The following OTOF variants were observed in gnomAD, a reference collection of about 807,000 sequenced individuals.
The protein encoded by OTOF is fer-1-like family member 2.
Under a neutral mutation model 236.8 loss-of-function variants are expected in OTOF, and 218 were observed. The ratio of observed to expected loss-of-function variants is 0.92; its 90% CI spans 0.82 to 1.03. The LOEUF is 1.03. Ranked by LOEUF, OTOF falls within the 50% of genes least tolerant of loss-of-function variation. OTOF has a pLI of 0.00. For synonymous variants in OTOF, 1,041 were observed against 1,072.5 expected, an observed-to-expected ratio of 0.97 and a Z score of 0.57; for missense variants, 2,590 against 2,694.4, an observed-to-expected ratio of 0.96 and a Z score of 0.86.
intron 2 of OTOF, among the ~76,000 whole-genome samples, chr2:26,534,523 C>T (rs1349510366): frequency 6.6e-6 from 1 of 152,204 alleles, no homozygotes; most frequent in Non-Finnish European, 1.5e-5. Context: ...TCCTCCTCCC[C>T]ACTCAGGTTC....
At chr2:26,522,411 C>T (rs1279260514) in intron 3 of OTOF, among the ~76,000 whole-genome samples, 1 of 152,142 alleles carries the variant, frequency 6.6e-6, no homozygotes, top group South Asian at 2.1e-4. Flanking sequence ...TCCCTCAGCC[C>T]GTCTTCTATA....
At position 26,516,577 on chromosome 2, in the gene OTOF, C is replaced by A; in HGVS notation, c.350G>T (p.Arg117Leu). 6.2e-7 allele frequency: 1 copy of A among 1,608,008 alleles called. No homozygotes were observed. Residue 117 changes from arginine to leucine, a missense_variant, in exon 5 of 47, where the codon CGG becomes CTG. Arg to Leu is a moderately radical substitution (Grantham distance 102, BLOSUM62 -2). Coordinates refer to ENST00000272371, the MANE Select transcript of OTOF (RefSeq NM_194248.3). ...CACTGTGCCGTCAGTGGCCTGATAC[C>A]GGACCTCCACGCACAGGCTGGTCTG... The part of the protein sequence containing the change: ...IIKTSLCVEV[R>L]YQATDGTVGS...
Position 26,477,946 on chromosome 2 carries a change from G to A in OTOF, c.2215-197C>T. ...GTTCTCAGAACCTGGAGATGTTGGT[G>A]TTCATGGGGGTTCTTCAGTTCCTGA... On this transcript the variant is annotated intron_variant, in intron 18 of 46. Coordinates refer to ENST00000272371, the MANE Select transcript of OTOF (RefSeq NM_194248.3). The surrounding 1 kb of genome is among the most constrained non-coding windows in gnomAD (Gnocchi z 4.7). 1.4e-6 allele frequency: 2 copies of A among 1,425,788 alleles called. No homozygotes were observed. The highest frequency in any genetic ancestry group is 1.8e-6 in the Non-Finnish European group (2 of 1,103,758). 88.3% of individuals were successfully genotyped at this position (1,425,788 alleles called of 1,614,324 possible). A position where few individuals can be genotyped will look rare whatever the true frequency, so the allele number is the denominator to read the frequency against.
rs765318467 is a variant in OTOF at position 26,463,945 on chromosome 2, T to TTGGCCATGCAAG, written c.5103+7_5103+18dup. ...TCCCCAATACCCAAGAACCCCAGTC[T>TTGGCCATGCAAG]TGGCCATGCAAGTGTCACCTGCTCG... On this transcript the variant is annotated intron_variant, in intron 40 of 46. Coordinates refer to ENST00000272371, the MANE Select transcript of OTOF (RefSeq NM_194248.3). 922 of 1,613,774 alleles carry TTGGCCATGCAAG rather than the reference T, an allele frequency of 5.7e-4. 3 individuals carry two copies. Among genetic ancestry groups the TTGGCCATGCAAG allele is most frequent in the South Asian group, 1.7e-3 (158 of 91,082 alleles).
intron 2 of OTOF, among the ~76,000 whole-genome samples, chr2:26,531,387 A>ATG (rs550186368): frequency 1.4e-3 from 210 of 152,078 alleles, no homozygotes; most frequent in South Asian, 0.013. Context: ...CATCTGTGAA[A>ATG]AGAGGGGGGT....
At chr2:26,533,896 A>C (rs939811) in intron 2 of OTOF, among the ~76,000 whole-genome samples, 55,402 of 151,610 alleles carry the variant, frequency 0.37, 12,575 homozygotes, top group Admixed American at 0.53. Flanking sequence ...ACTTCCTGGT[A>C]CAAGCAGAAA....
chr2:26,515,404 G>T (rs1477578133), intron 5 of OTOF, among the ~76,000 whole-genome samples: 2 of 151,530 alleles, frequency 1.3e-5, no homozygotes, highest in African/African-American at 2.4e-5. Context: ...TCTGAAGCTT[G>T]TGTGTGTGTG....
intron 11 of OTOF, 63 bp downstream of exon 11, chr2:26,489,148 C>A: frequency 8.5e-7 from 1 of 1,182,406 alleles, no homozygotes; most frequent in South Asian, 1.3e-5. Context: ...TGGGAAGGGC[C>A]CCGTGCACCA....
chr2:26,527,357 T>G (rs1666832640), intron 3 of OTOF, among the ~76,000 whole-genome samples: 1 of 152,232 alleles, frequency 6.6e-6, no homozygotes, highest in African/African-American at 2.4e-5. Context: ...GGTCACACAG[T>G]AGATGACTGA....
chr2:26,480,709 C>G, intron 15 of OTOF, 77 bp downstream of exon 15: 1 of 1,262,970 alleles, frequency 7.9e-7, no homozygotes, highest in African/African-American at 1.5e-5. Flanking sequence ...ACAGGCAAAG[C>G]CTGGGACCCA....
chr2:26,494,819 A>C (rs1342183691), intron 9 of OTOF, 123 bp downstream of exon 9: 20 of 1,126,266 alleles, frequency 1.8e-5, no homozygotes, highest in Non-Finnish European at 2.7e-5. Flanking sequence ...AACAGGGTGG[A>C]TCACCCCTGC....
chr2:26,494,870 T>C, intron 9 of OTOF, 72 bp downstream of exon 9: 7 of 1,582,432 alleles, frequency 4.4e-6, no homozygotes, highest in Non-Finnish European at 6.1e-6. Context: ...CCACTCCTAT[T>C]TCTCCTGGGG....
At chr2:26,468,500 C>A (rs376731852) in intron 32 of OTOF, 26 bp from the exon 33 acceptor site, 4 of 1,606,786 alleles carry the variant, frequency 2.5e-6, no homozygotes, top group Non-Finnish European at 3.4e-6. Flanking sequence ...ATGAAAAGGA[C>A]AGAAGGTGGG....
chr2:26,459,898 G>T, intron 46 of OTOF, 110 bp downstream of exon 46: 1 of 1,042,702 alleles, frequency 9.6e-7, no homozygotes, highest in Non-Finnish European at 1.4e-6. Flanking sequence ...GTGTGTGTTT[G>T]TGTGCACATG....
chr2:26,459,450 G>A (rs1664347929), intron 46 of OTOF, among the ~76,000 whole-genome samples: 4 of 151,922 alleles, frequency 2.6e-5, no homozygotes, highest in Admixed American at 2.6e-4. Flanking sequence ...TACTCAGGAG[G>A]CTGAGGCAGG....
At chr2:26,499,172 G>T (rs945745359) in intron 8 of OTOF, among the ~76,000 whole-genome samples, 5 of 152,152 alleles carry the variant, frequency 3.3e-5, no homozygotes, top group Admixed American at 3.3e-4. Context: ...GCTCACTCTG[G>T]TGGGGAAACT....
At chr2:26,521,185 G>C (rs1019354606) in intron 3 of OTOF, among the ~76,000 whole-genome samples, 2 of 152,174 alleles carry the variant, frequency 1.3e-5, no homozygotes, top group African/African-American at 4.8e-5. Flanking sequence ...TGCTGGCTGG[G>C]GAGACACTTT....
In OTOF at chr2:26,527,826, A is replaced by AT; in HGVS notation, c.227+5_227+6insA. On this transcript the variant is annotated splice_donor_region_variant and intron_variant, in intron 3 of 46. Coordinates refer to ENST00000272371, the MANE Select transcript of OTOF (RefSeq NM_194248.3). ...CCCAGCCCCTCCTGCCCCATCCCAC[A>AT]CTTACTTGTTGCTGAAGACTTTGCT... 1 of 1,605,352 alleles carries AT rather than the reference A, an allele frequency of 6.2e-7. No individual in the cohort carries two copies. The highest frequency in any genetic ancestry group is 8.5e-7 in the Non-Finnish European group (1 of 1,172,030).
At position 26,473,190 on chromosome 2, in the gene OTOF, G is replaced by A. The variant is rs754257237; in HGVS notation, c.3675C>T (p.Ser1225=). The A allele has an allele frequency of 2.5e-6, 4 of 1,613,126 alleles. No homozygotes were observed. Among genetic ancestry groups the A allele is most frequent in the Admixed American group, 1.7e-5 (1 of 60,024 alleles). ...YTLVGSHAVS[S]LRRFIYRPPD... The stretch of plus-strand genomic sequence containing the variant: ...GGGGCCGGTAGATGAAGCGTCGCAG[G>A]GAGCTGACGGCATGGGAGCCCACCA... Residue 1225 remains serine (S), a synonymous_variant, in exon 29 of 47, where the codon TCC becomes TCT. Coordinates refer to ENST00000272371, the MANE Select transcript of OTOF (RefSeq NM_194248.3). The surrounding 1 kb of genome is among the most constrained non-coding windows in gnomAD (Gnocchi z 7.2).
Sources: allele counts gnomAD v4.1 joint callset (sites outside exome capture counted in the v4.1 genomes callset), GRCh38; gene constraint gnomAD v4.1.1; non-coding constraint Gnocchi (gnomAD v3.1); transcripts MANE v1.5; gene names NCBI Gene and HGNC (gene_info 2026-07-23, HGNC 2026-07-21).